MAG: variants seen among roughly 807,000 people sequenced by gnomAD.
The protein encoded by MAG is myelin associated glycoprotein.
A neutral mutation model predicts 60.7 loss-of-function variants in MAG; 30 were observed. That is an observed-to-expected ratio of 0.49 (90% CI 0.37 to 0.67). The LOEUF is 0.67. MAG is among the 30% of genes least tolerant of loss of function. MAG has a pLI of 0.00. For synonymous variants in MAG, 384 were observed against 376.8 expected (o/e 1.02, Z -0.22); for missense variants, 795 against 851.7 (o/e 0.93, Z 0.83).
intron 6 of MAG, among the ~76,000 whole-genome samples, chr19:35,301,524 C>T (rs1300297950): frequency 6.7e-6 from 1 of 149,596 alleles, no homozygotes; most frequent in Non-Finnish European, 1.5e-5. Context: ...CTCCCACTTC[C>T]CTGTTCAAGC....
chr19:35,303,069 G>A (rs984200404), intron 7 of MAG, among the ~76,000 whole-genome samples: 2 of 151,968 alleles, frequency 1.3e-5, no homozygotes, highest in Admixed American at 1.3e-4. Flanking sequence ...GATTACAGGC[G>A]CTCGCCACCA....
chr19:35,307,902 G>A (rs2066496911), intron 7 of MAG, among the ~76,000 whole-genome samples: 2 of 152,084 alleles, frequency 1.3e-5, no homozygotes, highest in Admixed American at 1.3e-4. Flanking sequence ...AGGAAGTGGG[G>A]GGCATCTGCA....
At chr19:35,312,935 A>G (rs1294274608) in intron 10 of MAG, among the ~76,000 whole-genome samples, 1 of 152,162 alleles carries the variant, frequency 6.6e-6, no homozygotes, top group African/African-American at 2.4e-5. Context: ...GCTACTTGGG[A>G]GGCTGAGGCA....
At chr19:35,301,280 G>A (rs919240193) in intron 6 of MAG, among the ~76,000 whole-genome samples, 4 of 152,214 alleles carry the variant, frequency 2.6e-5, no homozygotes, top group Admixed American at 2.0e-4. Context: ...GGGCCAGCAA[G>A]AAGGGAGCTG....
At chr19:35,308,376 G>C (rs2066500347) in intron 7 of MAG, among the ~76,000 whole-genome samples, 1 of 152,230 alleles carries the variant, frequency 6.6e-6, no homozygotes, top group Admixed American at 6.5e-5. Flanking sequence ...GACTAAGCCA[G>C]GGGGAGAGAA....
chr19:35,310,164 G>C lies in MAG; in HGVS notation c.1519+3G>C. On this transcript the variant is annotated splice_donor_region_variant and intron_variant, in intron 8 of 10. Transcript: ENST00000392213. ...GGAGCTGCCCTTCCAGGGAGCCCGT[G>C]AGTGGCGTGGACTTGGGGTGGGAGC... The C allele has an allele frequency of 6.2e-7, 1 of 1,600,444 alleles. No individual in the cohort carries two copies. The highest frequency in any genetic ancestry group is 8.5e-7 in the Non-Finnish European group (1 of 1,171,140).
At position 35,300,173 on chromosome 19, in the gene MAG, T is replaced by G; in HGVS notation, c.739T>G (p.Ser247Ala). 6.5e-7 allele frequency: 1 copy of G among 1,548,670 alleles called. No homozygotes were observed. The highest frequency in any genetic ancestry group is 8.7e-7 in the Non-Finnish European group (1 of 1,143,366). Residue 247 changes from serine to alanine, a missense_variant, in exon 6 of 11, where the codon TCC (serine) becomes GCC (alanine). By Grantham distance (99) the Ser-to-Ala change is moderately conservative (BLOSUM62 1). Transcript: ENST00000392213. ...KYPPVIVEMN[S>A]SVEAIEGSHV... Reference sequence around the variant, plus strand: ...CCCCCCGGTGATTGTGGAGATGAACTCCTCGGTGGAGGCCATCGAGGGCTC... The same window carrying G: ...CCCCCCGGTGATTGTGGAGATGAACGCCTCGGTGGAGGCCATCGAGGGCTC...
chr19:35,299,798 C>T lies in MAG; in HGVS notation c.660C>T (p.Ser220=), dbSNP rs1257588974. ...ANGHRLGCQA[S]FPNTTLQFEG... ...GCCACAGGCTGGGCTGCCAGGCCTC[C>T]TTCCCCAACACCACCCTGCAGTTCG... Residue 220 remains serine, a synonymous_variant, in exon 5 of 11, where the codon TCC becomes TCT. Transcript: ENST00000392213. The T allele has an allele frequency of 2.6e-6, 4 of 1,541,760 alleles. No homozygotes were observed. The highest frequency in any genetic ancestry group is 2.6e-6 in the Non-Finnish European group (3 of 1,148,546).
At chr19:35,304,572 G>T (rs956755883) in intron 7 of MAG, among the ~76,000 whole-genome samples, 1 of 150,742 alleles carries the variant, frequency 6.6e-6, no homozygotes, top group Non-Finnish European at 1.5e-5. Context: ...ACTGAGTCTC[G>T]CTCTGTCACC....
intron 1 of MAG, 134 bp downstream of exon 1, chr19:35,292,338 T>C (rs1057374656): frequency 3.9e-5 from 17 of 431,008 alleles, no homozygotes; most frequent in Non-Finnish European, 9.5e-6. Flanking sequence ...GATGCAGGAG[T>C]GTGTGGCTTG....
At chr19:35,308,491 G>A (rs2066501301) in intron 7 of MAG, among the ~76,000 whole-genome samples, 4 of 152,240 alleles carry the variant, frequency 2.6e-5, no homozygotes, top group Admixed American at 2.0e-4. Flanking sequence ...CAGCACTTTG[G>A]GAGGCCAAGG....
At chr19:35,312,532 T>G in intron 10 of MAG, 1 of 472,718 alleles carries the variant, frequency 2.1e-6, no homozygotes, top group South Asian at 2.3e-5. Context: ...TTCCTGTGGC[T>G]AGGGGGTGGA....
At chr19:35,311,032 CAA>C (rs55833138) in intron 9 of MAG, among the ~76,000 whole-genome samples, 5 of 150,956 alleles carry the variant, frequency 3.3e-5, no homozygotes, top group African/African-American at 1.2e-4. Flanking sequence ...ACATCTGGGG[CAA>C]AAAAAAAATA....
chr19:35,295,517 C>A lies in MAG; in HGVS notation c.46+63C>A. 1 of 1,608,460 alleles carries A rather than the reference C, an allele frequency of 6.2e-7. No individual in the cohort carries two copies. The highest frequency in any genetic ancestry group is 8.5e-7 in the Non-Finnish European group (1 of 1,177,230). On this transcript the variant is annotated intron_variant, in intron 3 of 10. Transcript: ENST00000392213. This position sits in a 1 kb window ranked among gnomAD's most constrained non-coding sequence, Gnocchi z 5.8. ...GCCCCTGAGCAGGTTGGAGGTGGGT[C>A]CCCGCAGCCCCCCGGCATGTGGTTG...
intron 1 of MAG, among the ~76,000 whole-genome samples, 186 bp downstream of exon 1, chr19:35,292,390 G>A (rs1318075186): frequency 6.6e-6 from 1 of 151,972 alleles, no homozygotes; most frequent in African/African-American, 2.4e-5. Context: ...CTGGGGCAGC[G>A]ATGGGGCTCT....
rs978485635 is a variant in MAG at position 35,299,849 on chromosome 19, G to A, written c.711G>A (p.Lys237=). ...AGGGCTACGCCAGCATGGACGTCAA[G>A]TGTGAGCCTGGGTGCGGGCGGGGCG... ...QFEGYASMDV[K]YPPVIVEMNS... is the part of the protein sequence containing the mutation. Residue 237 remains lysine (K), a splice_region_variant and synonymous_variant, in exon 5 of 11, where the codon AAG becomes AAA. Coordinates refer to ENST00000392213, the MANE Select transcript of MAG (RefSeq NM_002361.4). 1.1e-5 allele frequency: 16 copies of A among 1,443,062 alleles called. No individual in the cohort carries two copies. Among genetic ancestry groups the A allele is most frequent in the Non-Finnish European group, 1.4e-5 (15 of 1,094,696 alleles). The allele number at this position is 1,443,062 out of a possible 1,614,324, so 89.4% of individuals were successfully genotyped here. A position where few individuals can be genotyped will look rare whatever the true frequency, so the allele number is the denominator to read the frequency against.
chr19:35,298,441 C>T (rs1374034440), intron 4 of MAG, among the ~76,000 whole-genome samples: 5 of 146,696 alleles, frequency 3.4e-5, no homozygotes, highest in Non-Finnish European at 6.0e-5. Context: ...AAACCACACA[C>T]TATACCCACC....
rs531153920 is a variant in MAG, at chr19:35,293,864, G to A, written c.-79-371G>A. Among the ~76,000 whole-genome samples, 173 of 152,182 alleles carry A rather than the reference G, an allele frequency of 1.1e-3. No homozygotes were observed. The highest frequency in any genetic ancestry group is 2.1e-3 in the Non-Finnish European group (146 of 67,992). On this transcript the variant is annotated intron_variant, in intron 1 of 10. Coordinates refer to ENST00000392213, the MANE Select transcript of MAG (RefSeq NM_002361.4). The surrounding 1 kb of genome is among the most constrained non-coding windows in gnomAD (Gnocchi z 4.0). ...GTGGGAGAGGGCGGCAGGAATTCAC[G>A]CGGCATGTCGGGAATGCTGATACTG...
intron 10 of MAG, 58 bp from the exon 11 acceptor site, chr19:35,313,232 T>A (rs1054858406): frequency 6.4e-7 from 1 of 1,557,186 alleles, no homozygotes; most frequent in Admixed American, 2.0e-5. Context: ...CGCTCTGTCC[T>A]CTGCATTGGG....
Sources: allele counts gnomAD v4.1 joint callset (sites outside exome capture counted in the v4.1 genomes callset), GRCh38; gene constraint gnomAD v4.1.1; non-coding constraint Gnocchi (gnomAD v3.1); transcripts MANE v1.5; gene names NCBI Gene and HGNC (gene_info 2026-07-23, HGNC 2026-07-21).